CRACD: variants seen among roughly 807,000 people sequenced by gnomAD.
CRACD encodes the protein capping protein-inhibiting regulator of actin dynamics.
In CRACD, 56 loss-of-function variants were observed where a neutral mutation model predicts 106.8. That is an observed-to-expected ratio of 0.52 (90% CI 0.42 to 0.66). CRACD has a LOEUF of 0.66. Among genes scored for constraint, CRACD ranks in the 30% least tolerant of loss-of-function variants. The probability of loss-of-function intolerance (pLI) is 0.00; values close to 1 mark genes in which losing one functional copy is unlikely to be tolerated. For missense variants in CRACD, 1,730 were observed against 1,623.2 expected, an observed-to-expected ratio of 1.07 and a Z score of -1.13; for synonymous variants, 754 against 670.8, an observed-to-expected ratio of 1.12 and a Z score of -1.92.
chr4:56,263,576 T>C (rs1033884540), intron 2 of CRACD, among the ~76,000 whole-genome samples: 3 of 152,146 alleles, frequency 2.0e-5, no homozygotes, highest in Admixed American at 6.5e-5. Flanking sequence ...CCTCCTCTTA[T>C]GAGAGAACCT....
intron 10 of CRACD, among the ~76,000 whole-genome samples, chr4:56,327,434 T>C (rs1029286248): frequency 6.6e-6 from 1 of 152,192 alleles, no homozygotes; most frequent in Non-Finnish European, 1.5e-5. Context: ...TTAAATGCTC[T>C]CACCATAAAA....
At chr4:56,101,270 G>A (rs1733768658) in intron 1 of CRACD, among the ~76,000 whole-genome samples, 3 of 151,602 alleles carry the variant, frequency 2.0e-5, no homozygotes, top group South Asian at 2.1e-4. Flanking sequence ...TGTTGTTGTT[G>A]TTGCTGTTAT....
chr4:56,268,796 A>G (rs1438625477), intron 2 of CRACD, among the ~76,000 whole-genome samples: 1 of 152,236 alleles, frequency 6.6e-6, no homozygotes, highest in East Asian at 1.9e-4. Context: ...TTGTAAGGAC[A>G]TTCTTTTAAC....
chr4:56,306,733 C>G (rs1229548885), intron 4 of CRACD, among the ~76,000 whole-genome samples: 1 of 152,258 alleles, frequency 6.6e-6, no homozygotes, highest in East Asian at 1.9e-4. Flanking sequence ...ATTTAATCTT[C>G]CGAATTTCTA....
At chr4:56,085,962 T>G (rs575382083) in intron 1 of CRACD, among the ~76,000 whole-genome samples, 1 of 152,334 alleles carries the variant, frequency 6.6e-6, no homozygotes, top group African/African-American at 2.4e-5. Flanking sequence ...TTAAATTAGA[T>G]TTCACTATTT....
chr4:56,277,153 T>C (rs1170237454), intron 3 of CRACD, among the ~76,000 whole-genome samples: 1 of 152,104 alleles, frequency 6.6e-6, no homozygotes, highest in African/African-American at 2.4e-5. Context: ...GCCAGTGTTA[T>C]CCTCATATTA....
At chr4:56,305,419 C>G (rs1248774297) in intron 4 of CRACD, among the ~76,000 whole-genome samples, 1 of 152,164 alleles carries the variant, frequency 6.6e-6, no homozygotes, top group Non-Finnish European at 1.5e-5. Flanking sequence ...TCCCCACCCC[C>G]TCTCCCAAGG....
intron 2 of CRACD, among the ~76,000 whole-genome samples, chr4:56,202,373 G>A (rs560504594): frequency 3.3e-5 from 5 of 151,990 alleles, no homozygotes; most frequent in Non-Finnish European, 7.4e-5. Flanking sequence ...CGGCCTCCCA[G>A]GTAGCTGGGA....
intron 10 of CRACD, among the ~76,000 whole-genome samples, chr4:56,325,320 C>A (rs1192851711): frequency 6.6e-6 from 1 of 152,086 alleles, no homozygotes; most frequent in African/African-American, 2.4e-5. Flanking sequence ...GAGCGACAGA[C>A]TGTCTCAAAA....
chr4:56,066,141 C>T (rs960505313), intron 1 of CRACD, among the ~76,000 whole-genome samples: 3 of 152,144 alleles, frequency 2.0e-5, no homozygotes, highest in Non-Finnish European at 4.4e-5. Context: ...GTGAACAGTG[C>T]TTCAGTCAGC....
intron 2 of CRACD, among the ~76,000 whole-genome samples, chr4:56,254,800 CT>C (rs1741250303): frequency 7.3e-6 from 1 of 137,796 alleles, no homozygotes; most frequent in African/African-American, 2.5e-5. Flanking sequence ...GAACCTGCCC[CT>C]AGCTTTAAAA....
At chr4:56,100,961 A>G (rs1253562725) in intron 1 of CRACD, among the ~76,000 whole-genome samples, 2 of 152,304 alleles carry the variant, frequency 1.3e-5, no homozygotes. Flanking sequence ...CTCAACTTGG[A>G]TTAAATGTGA....
rs76207219 is a variant in CRACD, at chr4:56,297,588, T to C, written c.-16-626T>C. 3.0e-3 allele frequency among the ~76,000 whole-genome samples: 457 copies of C among 152,194 alleles called. 3 individuals carry two copies. The highest frequency in any genetic ancestry group is 0.01 in the African/African-American group (434 of 41,544). ...AATAAAACCTTGTCTCTAAAAAATA[T>C]AAATAAATAAAAATAAAAATTTAAA... is the stretch of plus-strand genomic sequence containing the variant. On this transcript the variant is annotated intron_variant, in intron 3 of 10. Transcript: ENST00000682029.
chr4:56,072,852 A>G (rs78498688), intron 1 of CRACD, among the ~76,000 whole-genome samples: 1 of 151,748 alleles, frequency 6.6e-6, no homozygotes, highest in Non-Finnish European at 1.5e-5. Flanking sequence ...GAGAACATGC[A>G]GTGTTTGGTT....
rs11341953 is a variant in CRACD, at chr4:56,223,224, CTT to C, written c.-189+43805_-189+43806del. On this transcript the variant is annotated intron_variant, in intron 2 of 10. Transcript: ENST00000682029. ...TTTTCGTTTTTCTTGATTCTTTTCT[CTT>C]TTTTTTTTTTCCTAATAACACCTTG... Among the ~76,000 whole-genome samples, 71 of 147,032 alleles carry C rather than the reference CTT, an allele frequency of 4.8e-4. 1 individual carries two copies. In the South Asian group the frequency reaches 8.6e-3, roughly 18 times the overall value.
chr4:56,314,054 G>C lies in CRACD; in HGVS notation c.552G>C (p.Glu184Asp). 2.5e-6 allele frequency: 4 copies of C among 1,613,676 alleles called. No homozygotes were observed. The highest frequency in any genetic ancestry group is 3.4e-6 in the Non-Finnish European group (4 of 1,179,802). The stretch of plus-strand genomic sequence containing the variant: ...TCCAATGTTAGGATCCACAACATGA[G>C]CAAGGCGGCCTTGAGAGTCGGCCCT... ...HRRLAQDPQH[E>D]QGGLESRPCL... The change falls in exon 8 of 11, where the codon GAG becomes GAC. Residue 184 changes from glutamate (E) to aspartate (D), a missense_variant. Coordinates refer to ENST00000682029, the MANE Select transcript of CRACD (RefSeq NM_001393381.1). The surrounding 1 kb of genome is among the most constrained non-coding windows in gnomAD (Gnocchi z 4.4).
At chr4:56,140,002 C>T (rs148404538) in intron 1 of CRACD, among the ~76,000 whole-genome samples, 3,572 of 152,160 alleles carry the variant, frequency 0.023, 58 homozygotes, top group Admixed American at 0.056. Context: ...TGTATGTTTT[C>T]GCAAATTTTT....
chr4:56,141,890 C>T (rs1321170381), intron 1 of CRACD, among the ~76,000 whole-genome samples: 1 of 151,620 alleles, frequency 6.6e-6, no homozygotes, highest in Non-Finnish European at 1.5e-5. Context: ...ATGGGAGTCT[C>T]ACTGTGTTGC....
chr4:56,278,840 C>G (rs752731085), intron 3 of CRACD, among the ~76,000 whole-genome samples: 1 of 152,102 alleles, frequency 6.6e-6, no homozygotes, highest in Admixed American at 6.6e-5. Context: ...TTCTAATAGA[C>G]ATCGCTCCAC....
Sources: allele counts gnomAD v4.1 joint callset (sites outside exome capture counted in the v4.1 genomes callset), GRCh38; gene constraint gnomAD v4.1.1; non-coding constraint Gnocchi (gnomAD v3.1); transcripts MANE v1.5; gene names NCBI Gene and HGNC (gene_info 2026-07-23, HGNC 2026-07-21).